ZNF333: variants seen among roughly 807,000 people sequenced by gnomAD.
ZNF333 encodes the protein zinc finger protein 333.
In ZNF333, 61 loss-of-function variants were observed where a neutral mutation model predicts 76.1. That is an observed-to-expected ratio of 0.80 (90% confidence interval 0.65 to 0.99). The LOEUF (loss-of-function observed/expected upper bound fraction) is 0.99, where lower values mean the gene tolerates loss of function less well. Among genes scored for constraint, ZNF333 ranks in the 50% least tolerant of loss-of-function variants. The pLI is 0.00. For missense variants in ZNF333, 717 were observed against 822.4 expected (o/e 0.87, Z 1.57); for synonymous variants, 284 against 305.0 (o/e 0.93, Z 0.72).
intron 4 of ZNF333, among the ~76,000 whole-genome samples, chr19:14,698,935 T>TATATATGTATACAC (rs1180611568): frequency 6.5e-5 from 9 of 139,328 alleles, no homozygotes; most frequent in African/African-American, 2.5e-4. Flanking sequence ...TATATATATA[T>TATATATGTATACAC]ACACACATAT....
chr19:14,699,461 A>G (rs1260559870), intron 5 of ZNF333, 180 bp downstream of exon 5: 3 of 552,372 alleles, frequency 5.4e-6, no homozygotes, highest in Non-Finnish European at 9.6e-6. Context: ...ACTGTTGCTC[A>G]AGACTTTTTT....
chr19:14,693,980 T>TA (rs61027794), intron 2 of ZNF333, among the ~76,000 whole-genome samples: 297 of 113,086 alleles, frequency 2.6e-3, no homozygotes, highest in East Asian at 5.8e-3. Context: ...ACCTTGTCTC[T>TA]AAAAAAAAAA....
intron 10 of ZNF333, 42 bp from the exon 11 acceptor site, chr19:14,717,615 T>C: frequency 6.3e-7 from 1 of 1,577,554 alleles, no homozygotes; most frequent in Non-Finnish European, 8.7e-7. Flanking sequence ...CCACAGTTTC[T>C]TTCTCTGTGT....
chr19:14,720,066 A>G lies in ZNF333; in HGVS notation c.*741A>G. The G allele has an allele frequency of 1.4e-6, 1 of 740,466 alleles. No homozygotes were observed. The highest frequency in any genetic ancestry group is 1.6e-6 in the Non-Finnish European group (1 of 606,640). The allele number at this position is 740,466 out of a possible 1,614,324, so 45.9% of individuals were successfully genotyped here. ...CCAAGTTTGGTGGCATGCACCTGTA[A>G]TCCCAGCTACTTGGGAGGCTGAGGC... On this transcript the variant is annotated 3_prime_UTR_variant, in exon 12 of 12. Coordinates refer to ENST00000292530, the MANE Select transcript of ZNF333 (RefSeq NM_032433.4).
intron 6 of ZNF333, chr19:14,706,434 AGCCTCCTTGGAGGGT>A: frequency 2.0e-6 from 1 of 498,260 alleles, no homozygotes; most frequent in Non-Finnish European, 3.6e-6. Context: ...TGACTTCTGG[AGCCTCCTTGGAGGGT>A]GCCACCTTCC....
intron 2 of ZNF333, 84 bp from the exon 3 acceptor site, chr19:14,694,926 T>C (rs1973061016): frequency 6.3e-7 from 1 of 1,583,544 alleles, no homozygotes; most frequent in Non-Finnish European, 8.6e-7. Flanking sequence ...TGTCTGAACA[T>C]TTTCTCTTCT....
chr19:14,715,120 G>A (rs901005998), intron 7 of ZNF333: 2 of 416,136 alleles, frequency 4.8e-6, no homozygotes, highest in African/African-American at 4.1e-5. Flanking sequence ...ATATGAACAG[G>A]TGCATGTGGT....
At chr19:14,725,457 C>T (rs1324387013), downstream of ZNF333, among the ~76,000 whole-genome samples, 1 of 152,130 alleles carries the variant, frequency 6.6e-6, no homozygotes, top group Non-Finnish European at 1.5e-5. Flanking sequence ...ATAAGTTGTT[C>T]CACCATCAAC....
chr19:14,730,246 G>A (rs573045062), intron 11 of ZNF333, among the ~76,000 whole-genome samples: 5 of 152,130 alleles, frequency 3.3e-5, no homozygotes, highest in Admixed American at 2.0e-4. Context: ...GTAGAGATGG[G>A]GTTTCACCAT....
intron 2 of ZNF333, 90 bp downstream of exon 2, chr19:14,693,584 G>A (rs950111900): frequency 2.3e-5 from 33 of 1,439,916 alleles, no homozygotes; most frequent in Admixed American, 3.9e-5. Flanking sequence ...CGCCACTTCC[G>A]TCCCCAACTG....
intron 7 of ZNF333, among the ~76,000 whole-genome samples, chr19:14,712,548 T>G (rs2042307614): frequency 6.6e-6 from 1 of 152,054 alleles, no homozygotes; most frequent in Non-Finnish European, 1.5e-5. Flanking sequence ...AAATTTCTCT[T>G]TCACAATTTA....
chr19:14,711,487 T>C (rs142507675), intron 7 of ZNF333, among the ~76,000 whole-genome samples: 3 of 152,028 alleles, frequency 2.0e-5, no homozygotes, highest in Non-Finnish European at 2.9e-5. Context: ...CTGGGCAACA[T>C]AGCGAGACCC....
Position 14,719,405 on chromosome 19 carries a change from A to G in ZNF333, c.*80A>G, listed in dbSNP as rs1370473469. The G allele has an allele frequency of 7.1e-7, 1 of 1,402,416 alleles. No individual in the cohort carries two copies. The highest frequency in any genetic ancestry group is 9.5e-7 in the Non-Finnish European group (1 of 1,050,366). 86.9% of individuals were successfully genotyped at this position (1,402,416 alleles called of 1,614,324 possible). On this transcript the variant is annotated 3_prime_UTR_variant, in exon 12 of 12. Coordinates refer to ENST00000292530, the MANE Select transcript of ZNF333 (RefSeq NM_032433.4). ...TCCTTTAGCTGCATCCTGTGTTTCA[A>G]TGTATAATATTTTCATTTTGGTTTA...
At chr19:14,708,005 T>C in intron 7 of ZNF333, 1 of 400,122 alleles carries the variant, frequency 2.5e-6, no homozygotes, top group East Asian at 3.6e-5. Context: ...TTACTTCTTC[T>C]TTTTTTATTT....
chr19:14,720,398 C>T lies in ZNF333; in HGVS notation c.*1073C>T. 5.1e-6 allele frequency: 5 copies of T among 985,374 alleles called. No homozygotes were observed. The highest frequency in any genetic ancestry group is 3.6e-6 in the Non-Finnish European group (3 of 829,936). 61.0% of individuals were successfully genotyped at this position (985,374 alleles called of 1,614,324 possible). On this transcript the variant is annotated 3_prime_UTR_variant, in exon 12 of 12. Coordinates refer to ENST00000292530, the MANE Select transcript of ZNF333 (RefSeq NM_032433.4). ...GACATGATTTCTAGACCTAGAGGAGCCCTCCTGTGACCATAAGGGTAAAAG... is the reference window on the plus strand; with the variant it reads ...GACATGATTTCTAGACCTAGAGGAGTCCTCCTGTGACCATAAGGGTAAAAG...
At chr19:14,724,330 C>T (rs1299960081), downstream of ZNF333, among the ~76,000 whole-genome samples, 1 of 152,222 alleles carries the variant, frequency 6.6e-6, no homozygotes, top group Non-Finnish European at 1.5e-5. Context: ...CTCTTCCCCA[C>T]ATAGCTTCTC....
intron 9 of ZNF333, among the ~76,000 whole-genome samples, 184 bp downstream of exon 9, chr19:14,716,422 T>G (rs931805042): frequency 6.6e-6 from 1 of 152,040 alleles, no homozygotes; most frequent in Admixed American, 6.6e-5. Flanking sequence ...CACACCTGGC[T>G]AATTTTTGTA....
intron 7 of ZNF333, 109 bp from the exon 8 acceptor site, chr19:14,715,273 G>T (rs986797136): frequency 3.6e-6 from 3 of 837,380 alleles, no homozygotes; most frequent in Admixed American, 4.3e-5. Context: ...GTGTGCATGT[G>T]TGTGTGTACA....
intron 8 of ZNF333, 82 bp from the exon 9 acceptor site, chr19:14,716,030 C>T: frequency 1.9e-6 from 3 of 1,586,572 alleles, no homozygotes; most frequent in Middle Eastern, 1.7e-4. Flanking sequence ...TTTTCCCTTC[C>T]CCAGGCTTGC....
Sources: gnomAD v4.1 joint callset for allele counts (sites outside exome capture counted in the v4.1 genomes callset) on GRCh38, gnomAD v4.1.1 for gene constraint, MANE v1.5 for transcripts, NCBI Gene and HGNC (gene_info 2026-07-23, HGNC 2026-07-21) for gene names.